The following TTC17 variants were observed in gnomAD, a reference collection of about 807,000 sequenced individuals.
The protein encoded by TTC17 is tetratricopeptide repeat protein 17.
TTC17 carries 58 observed loss-of-function variants against 143.8 expected under a neutral mutation model. The ratio of observed to expected loss-of-function variants is 0.40; its 90% CI spans 0.33 to 0.50. The LOEUF is 0.50. TTC17 is among the 20% of genes least tolerant of loss of function. The pLI is 0.49. For synonymous variants in TTC17, 501 were observed against 497.8 expected (o/e 1.01, Z -0.09); for missense variants, 1,273 against 1,392.5 (o/e 0.91, Z 1.37).
At chr11:43,365,062 A>G (rs746476072) in intron 1 of TTC17, among the ~76,000 whole-genome samples, 10 of 151,288 alleles carry the variant, frequency 6.6e-5, no homozygotes, top group African/African-American at 9.7e-5. Context: ...CGGCCTCCCA[A>G]AGTGCTGGGA....
At chr11:43,447,456 AT>A (rs1156431829) in intron 18 of TTC17, 1 of 152,438 alleles carries the variant, frequency 6.6e-6, no homozygotes, top group African/African-American at 2.4e-5. Context: ...GGGTGTGGAC[AT>A]TTGGCAATAT....
intron 18 of TTC17, chr11:43,446,322 T>C (rs1264765327): frequency 5.1e-6 from 2 of 390,796 alleles, no homozygotes; most frequent in African/African-American, 2.1e-5. Flanking sequence ...AGTTACTCTT[T>C]CCTCTGTGCA....
Position 43,448,138 on chromosome 11 carries a change from C to T in TTC17, c.2786+16C>T, listed in dbSNP as rs1211549663. 6.2e-7 allele frequency: 1 copy of T among 1,613,464 alleles called. No homozygotes were observed. The highest frequency in any genetic ancestry group is 8.5e-7 in the Non-Finnish European group (1 of 1,179,706). On this transcript the variant is annotated intron_variant, in intron 19 of 23. Coordinates refer to ENST00000039989, the MANE Select transcript of TTC17 (RefSeq NM_018259.6). The stretch of plus-strand genomic sequence containing the variant: ...AAAACATTGAGTAAGTATGTTAAGC[C>T]TCTCCCTCCTTTATGGCATTTGAGT...
intron 15 of TTC17, among the ~76,000 whole-genome samples, chr11:43,411,229 C>T (rs936635963): frequency 6.6e-6 from 1 of 152,200 alleles, no homozygotes; most frequent in African/African-American, 2.4e-5. Context: ...ATTCTAGCCT[C>T]ACTTGCCTCC....
At chr11:43,453,116 C>T (rs1310849841) in intron 21 of TTC17, among the ~76,000 whole-genome samples, 1 of 151,774 alleles carries the variant, frequency 6.6e-6, no homozygotes, top group Non-Finnish European at 1.5e-5. Context: ...GAAGGAGCAG[C>T]AAGAGGAATA....
chr11:43,392,457 T>G (rs190939929), intron 5 of TTC17, among the ~76,000 whole-genome samples: 2 of 152,340 alleles, frequency 1.3e-5, no homozygotes, highest in East Asian at 3.9e-4. Flanking sequence ...ACGTGGGCAT[T>G]TAGAAAATGT....
At chr11:43,452,371 G>T (rs1039300366) in intron 21 of TTC17, among the ~76,000 whole-genome samples, 1 of 151,990 alleles carries the variant, frequency 6.6e-6, no homozygotes, top group Non-Finnish European at 1.5e-5. Flanking sequence ...GCGGTGGCAC[G>T]CACCTGTAAT....
At chr11:43,471,990 G>C (rs1161336589) in intron 21 of TTC17, among the ~76,000 whole-genome samples, 2 of 151,852 alleles carry the variant, frequency 1.3e-5, no homozygotes, top group Non-Finnish European at 2.9e-5. Context: ...TTATCAACTG[G>C]GTTTTCAAAT....
intron 21 of TTC17, among the ~76,000 whole-genome samples, chr11:43,469,672 A>T (rs1280741593): frequency 1.3e-5 from 2 of 152,234 alleles, no homozygotes; most frequent in African/African-American, 4.8e-5. Flanking sequence ...TAGAAATCAG[A>T]TCAGTGATTA....
intron 16 of TTC17, among the ~76,000 whole-genome samples, chr11:43,421,430 A>G (rs1320865920): frequency 2.0e-5 from 3 of 152,174 alleles, no homozygotes; most frequent in Admixed American, 1.3e-4. Flanking sequence ...TTCGTCTAAG[A>G]GAAAGATGTA....
At chr11:43,378,010 TCTC>T (rs1703341719) in intron 1 of TTC17, among the ~76,000 whole-genome samples, 1 of 152,122 alleles carries the variant, frequency 6.6e-6, no homozygotes, top group African/African-American at 2.4e-5. Context: ...TTCAAGCAAT[TCTC>T]CTACCTCAGC....
chr11:43,487,129 T>A (rs1399597685), intron 21 of TTC17, among the ~76,000 whole-genome samples: 1 of 152,134 alleles, frequency 6.6e-6, no homozygotes, highest in African/African-American at 2.4e-5. Flanking sequence ...ATTAAAGAAA[T>A]AACTTTTTTG....
chr11:43,421,210 T>A (rs1268036027), intron 16 of TTC17, among the ~76,000 whole-genome samples: 1 of 151,504 alleles, frequency 6.6e-6, no homozygotes, highest in African/African-American at 2.4e-5. Context: ...ACATAAGACT[T>A]GAGGAAGGAT....
chr11:43,450,186 A>G lies in TTC17; in HGVS notation c.2891A>G (p.His964Arg), dbSNP rs759372011. ...PTSMHTLDHL[H>R]GVSNRASLHY... ...AGTATGCATACCCTGGACCACTTGCATGGGGTTTCCAACCGAGCCAGCCTG... is the reference window on the plus strand; with the variant it reads ...AGTATGCATACCCTGGACCACTTGCGTGGGGTTTCCAACCGAGCCAGCCTG... Residue 964 changes from histidine (H) to arginine (R), a missense_variant, in exon 20 of 24, where the codon CAT becomes CGT. His to Arg is a conservative substitution (Grantham distance 29). Around this residue, in one of 3 missense-constraint regions of TTC17, gnomAD observed 878 missense variants for 899.8 expected, o/e 0.98. Coordinates refer to ENST00000039989, the MANE Select transcript of TTC17 (RefSeq NM_018259.6). 7 of 1,614,160 alleles carry G rather than the reference A, an allele frequency of 4.3e-6. No homozygotes were observed. Among genetic ancestry groups the G allele is most frequent in the Middle Eastern group, 1.6e-4 (1 of 6,062 alleles).
chr11:43,396,973 AT>A lies in TTC17; in HGVS notation c.773+156del, dbSNP rs1857618687. On this transcript the variant is annotated intron_variant, in intron 6 of 23. Transcript: ENST00000039989. ...GTCCCACCACAAAAAAAAAAAAAAAATCACAGATCTCAAAAAGTTCAAAGTG... is the reference window on the plus strand; with the variant it reads ...GTCCCACCACAAAAAAAAAAAAAAAACACAGATCTCAAAAAGTTCAAAGTG... 1.0e-5 allele frequency: 5 copies of A among 479,610 alleles called. No individual in the cohort carries two copies. The East Asian group carries it at 1.2e-4, about 12-fold the overall frequency. 29.7% of individuals were successfully genotyped at this position (479,610 alleles called of 1,614,324 possible). A position where few individuals can be genotyped will look rare whatever the true frequency, so the allele number is the denominator to read the frequency against.
chr11:43,454,943 A>G (rs553116599), intron 21 of TTC17, among the ~76,000 whole-genome samples: 3 of 152,008 alleles, frequency 2.0e-5, no homozygotes, highest in Non-Finnish European at 4.4e-5. Flanking sequence ...TAGATATATC[A>G]AACTCTGAAC....
Position 43,405,529 on chromosome 11 carries a change from C to G in TTC17, c.1495C>G (p.Leu499Val), listed in dbSNP as rs145145736. 2 of 1,613,582 alleles carry G rather than the reference C, an allele frequency of 1.2e-6. 1 individual carries two copies. Among genetic ancestry groups the G allele is most frequent in the Admixed American group, 3.3e-5 (2 of 59,974 alleles). Residue 499 changes from leucine (L) to valine (V), a missense_variant, in exon 12 of 24, where the codon CTA (leucine) becomes GTA (valine). Leu to Val is a conservative substitution (Grantham distance 32, BLOSUM62 1). Around this residue, in one of 3 missense-constraint regions of TTC17, gnomAD observed 878 missense variants for 899.8 expected, o/e 0.98. Transcript: ENST00000039989. The stretch of plus-strand genomic sequence containing the variant: ...TCTTTATCAGGACAAACAGCATATT[C>G]TATGGCCTAAAAGAGCAGATTGTAC... The part of the protein sequence containing the change: ...SDAYRDKQHI[L>V]WPKRADCTES...
chr11:43,431,990 C>CA (rs1947170735), intron 16 of TTC17, among the ~76,000 whole-genome samples: 2 of 152,170 alleles, frequency 1.3e-5, no homozygotes, highest in South Asian at 4.1e-4. Context: ...TATAACTAAC[C>CA]AAAAAGCATC....
intron 2 of TTC17, among the ~76,000 whole-genome samples, chr11:43,379,793 C>T (rs1439371728): frequency 3.3e-5 from 5 of 152,100 alleles, no homozygotes; most frequent in South Asian, 2.1e-4. Context: ...CATTAATCAC[C>T]TTGTTCCTTG....
Sources: allele counts gnomAD v4.1 joint callset (sites outside exome capture counted in the v4.1 genomes callset), GRCh38; gene constraint gnomAD v4.1.1; regional missense constraint gnomAD v4.1.1; transcripts MANE v1.5; gene names NCBI Gene and HGNC (gene_info 2026-07-23, HGNC 2026-07-21).